Variants in EML1 observed in about 807,000 individuals in gnomAD.
EML1 encodes the protein EMAP like 1, also known as echinoderm microtubule-associated protein-like 1.
In EML1, 27 loss-of-function variants were observed where a neutral mutation model predicts 110.4. The ratio of observed to expected loss-of-function variants is 0.24; its 90% CI spans 0.18 to 0.34. EML1 has a LOEUF of 0.34. Ranked by LOEUF, EML1 falls within the 10% of genes least tolerant of loss-of-function variation. The pLI is 1.00. For missense variants in EML1, 741 were observed against 1,030.9 expected, an observed-to-expected ratio of 0.72 and a Z score of 3.85; for synonymous variants, 344 against 385.8, an observed-to-expected ratio of 0.89 and a Z score of 1.27.
intron 1 of EML1, among the ~76,000 whole-genome samples, chr14:99,813,399 A>G (rs1423760641): frequency 6.6e-6 from 1 of 152,234 alleles, no homozygotes; most frequent in Non-Finnish European, 1.5e-5. Context: ...ACTGACAAAA[A>G]TAACTATCTT....
At chr14:99,934,668 CAG>C (rs1404534995) in intron 17 of EML1, among the ~76,000 whole-genome samples, 2 of 152,352 alleles carry the variant, frequency 1.3e-5, no homozygotes, top group African/African-American at 4.8e-5. Context: ...CTAGCTGGAG[CAG>C]AGAGACCCCT....
chr14:99,891,020 A>G (rs552796676), intron 4 of EML1, among the ~76,000 whole-genome samples, 179 bp from the exon 5 acceptor site: 1 of 152,272 alleles, frequency 6.6e-6, no homozygotes, highest in African/African-American at 2.4e-5. Flanking sequence ...GAGATTGTTT[A>G]TGATTGTTTA....
chr14:99,935,891 A>C (rs2060461910), intron 17 of EML1, 138 bp from the exon 18 acceptor site: 1 of 776,076 alleles, frequency 1.3e-6, no homozygotes, highest in Non-Finnish European at 2.1e-6. Context: ...ATTCATTGAA[A>C]AGCAGATTTT....
intron 15 of EML1, among the ~76,000 whole-genome samples, chr14:99,915,699 A>G (rs8017946): frequency 0.54 from 82,581 of 151,830 alleles, 22,537 homozygotes; most frequent in African/African-American, 0.56. Context: ...CTAGTGTTAG[A>G]ACCCAGCTCA....
chr14:99,812,112 T>G (rs1404983845), intron 1 of EML1, among the ~76,000 whole-genome samples: 5 of 151,914 alleles, frequency 3.3e-5, no homozygotes. Context: ...CTAAGCCCCC[T>G]TGGTATTCAT....
chr14:99,788,101 C>A (rs1328665314), intron 1 of EML1, among the ~76,000 whole-genome samples: 4 of 152,174 alleles, frequency 2.6e-5, no homozygotes, highest in African/African-American at 9.7e-5. Flanking sequence ...CCCTAGCTTG[C>A]CTGATGTGGC....
rs796351001 is a variant in EML1, at chr14:99,740,639, C to T, written c.28+2779C>T. The stretch of plus-strand genomic sequence containing the variant: ...GCAGGAACTCTCCTGCATCAAGTAC[C>T]GGCCCACACACCACGGCCAGCAAAG... On this transcript the variant is annotated intron_variant, in intron 1 of 10. Transcript: ENST00000554479. Among the ~76,000 whole-genome samples, 122 of 152,264 alleles carry T rather than the reference C, an allele frequency of 8.0e-4. 1 individual carries two copies. Among genetic ancestry groups the T allele is most frequent in the African/African-American group, 2.8e-3 (116 of 41,552 alleles).
chr14:99,838,918 C>CGCGCGCGTGT (rs3071409), intron 1 of EML1: 1 of 33,612 alleles, frequency 3.0e-5, no homozygotes, highest in African/African-American at 8.7e-5. Flanking sequence ...CGCGCGCGCG[C>CGCGCGCGTGT]GTGTGTGTGT....
rs35376029 is a variant in EML1, at chr14:99,747,187, CAA to C, written c.28+9345_28+9346del. On this transcript the variant is annotated intron_variant, in intron 1 of 10. Transcript: ENST00000554479. ...TTGGTGGCAGAGCTAGACCCCGTCT[CAA>C]AAAAAAAAAAAAAAAAAGGAAGAAA... Among the ~76,000 whole-genome samples, 37 of 95,532 alleles carry C rather than the reference CAA, an allele frequency of 3.9e-4. No individual in the cohort carries two copies. In the East Asian group the frequency reaches 4.8e-3, roughly 12 times the overall value. The allele number at this position is 95,532 out of a possible 152,430, so 62.7% of individuals were successfully genotyped here. A position where few individuals can be genotyped will look rare whatever the true frequency, so the allele number is the denominator to read the frequency against.
intron 4 of EML1, among the ~76,000 whole-genome samples, chr14:99,887,564 C>T (rs773272235): frequency 7.9e-5 from 12 of 152,194 alleles, no homozygotes; most frequent in Admixed American, 3.3e-4. Context: ...CATGGAGCCA[C>T]ACCCCAGCTG....
upstream of EML1, among the ~76,000 whole-genome samples, chr14:99,771,229 T>C (rs1037207274): frequency 2.6e-5 from 4 of 152,196 alleles, no homozygotes; most frequent in African/African-American, 9.7e-5. Flanking sequence ...CATTAGCAAT[T>C]GGTCCTCATC....
At chr14:99,858,624 G>A (rs923353302) in intron 2 of EML1, among the ~76,000 whole-genome samples, 1 of 152,148 alleles carries the variant, frequency 6.6e-6, no homozygotes, top group Non-Finnish European at 1.5e-5. Flanking sequence ...TTGTATTTTT[G>A]CCAGTCTCTT....
At chr14:99,919,294 A>T (rs1230081710) in intron 16 of EML1, among the ~76,000 whole-genome samples, 1 of 152,136 alleles carries the variant, frequency 6.6e-6, no homozygotes, top group Non-Finnish European at 1.5e-5. Context: ...TGCAGAGCCT[A>T]TATGGATAAA....
intron 1 of EML1, among the ~76,000 whole-genome samples, chr14:99,753,194 C>CCG (rs1566849380): frequency 1.5e-5 from 1 of 67,244 alleles, no homozygotes; most frequent in Non-Finnish European, 3.5e-5. Flanking sequence ...CCCGCACCCC[C>CCG]CGCCCCCCCG....
chr14:99,897,438 C>T (rs2059690144), intron 7 of EML1, 144 bp downstream of exon 7: 8 of 908,958 alleles, frequency 8.8e-6, no homozygotes, highest in South Asian at 2.2e-5. Context: ...TCCTGTTGCA[C>T]AGGTGGAAAT....
chr14:99,934,047 A>T (rs1334962546), intron 17 of EML1, among the ~76,000 whole-genome samples: 1 of 152,230 alleles, frequency 6.6e-6, no homozygotes, highest in East Asian at 1.9e-4. Context: ...GTGAGCTGAG[A>T]TCGTGCCATT....
intron 4 of EML1, among the ~76,000 whole-genome samples, chr14:99,881,267 C>T (rs2059379941): frequency 6.6e-6 from 1 of 152,210 alleles, no homozygotes; most frequent in Non-Finnish European, 1.5e-5. Flanking sequence ...ATCATTCACA[C>T]AGGCAGTGCT....
rs557912840 is a variant in EML1 at position 99,893,953 on chromosome 14, T to C, written c.548-676T>C. 3.3e-5 allele frequency among the ~76,000 whole-genome samples: 5 copies of C among 152,372 alleles called. No individual in the cohort carries two copies. In the East Asian group the frequency reaches 9.6e-4, roughly 29 times the overall value. On this transcript the variant is annotated intron_variant, in intron 5 of 21. Coordinates refer to ENST00000262233, the MANE Select transcript of EML1 (RefSeq NM_004434.3). ...GATATTTACTTTTGTCCCTATGATT[T>C]ATTGAAATATTAAAAGTTATTTTAT...
chr14:99,884,777 A>G (rs544757387), intron 4 of EML1, among the ~76,000 whole-genome samples: 1 of 152,336 alleles, frequency 6.6e-6, no homozygotes, highest in East Asian at 1.9e-4. Flanking sequence ...TCTAAGGCAA[A>G]CACCTTCTAG....
Sources: allele counts gnomAD v4.1 joint callset (sites outside exome capture counted in the v4.1 genomes callset), GRCh38; gene constraint gnomAD v4.1.1; transcripts MANE v1.5; gene names NCBI Gene and HGNC (gene_info 2026-07-23, HGNC 2026-07-21).